MRAP2: variants seen among roughly 807,000 people sequenced by gnomAD.
The protein encoded by MRAP2 is melanocortin-2 receptor accessory protein 2.
In MRAP2, 20 loss-of-function variants were observed where a neutral mutation model predicts 17.4. The observed-to-expected ratio is 1.15, with a 90% CI of 0.81 to 1.67. The LOEUF is 1.67. Among genes scored for constraint, MRAP2 ranks in the 40% most tolerant of loss-of-function variants. MRAP2 has a pLI of 0.00. For synonymous variants in MRAP2, 96 were observed against 88.4 expected, an observed-to-expected ratio of 1.09 and a Z score of -0.48; for missense variants, 238 against 240.0, an observed-to-expected ratio of 0.99 and a Z score of 0.05.
chr6:84,113,471 T>G, the MRAP2 span, among the ~76,000 whole-genome samples: 1 of 152,246 alleles, frequency 6.6e-6, no homozygotes, highest in Admixed American at 6.5e-5. Context: ...TTGGAGCCTA[T>G]GTGTGTCTCT....
At chr6:84,033,639 C>A, upstream of MRAP2, 1 of 972,128 alleles carries the variant, frequency 1.0e-6, no homozygotes, top group Non-Finnish European at 1.2e-6. Flanking sequence ...TTGGCCAAGG[C>A]GGCCTCGCGC....
intron 3 of MRAP2, among the ~76,000 whole-genome samples, chr6:84,071,027 G>T (rs567732528): frequency 2.0e-5 from 3 of 152,184 alleles, no homozygotes; most frequent in Non-Finnish European, 4.4e-5. Flanking sequence ...CTGTGGTTCT[G>T]TATTTTTTTA....
chr6:84,102,179 G>A, the MRAP2 span, among the ~76,000 whole-genome samples: 51 of 152,200 alleles, frequency 3.4e-4, no homozygotes, highest in African/African-American at 1.0e-3. Flanking sequence ...TTCATAGAGC[G>A]GTTTGAAGGA....
intron 2 of MRAP2, among the ~76,000 whole-genome samples, chr6:84,059,623 A>G (rs1390784561): frequency 4.6e-5 from 7 of 152,164 alleles, no homozygotes; most frequent in Non-Finnish European, 1.0e-4. Context: ...TCCATTCATT[A>G]AAGGTTAGGT....
the MRAP2 span, among the ~76,000 whole-genome samples, chr6:84,107,299 G>T: frequency 5.1e-4 from 77 of 152,246 alleles, no homozygotes; most frequent in African/African-American, 1.7e-3. Flanking sequence ...CCCCCTTCTT[G>T]GTTGTAGGAG....
At chr6:84,058,075 C>T (rs1438089161) in intron 2 of MRAP2, among the ~76,000 whole-genome samples, 2 of 152,032 alleles carry the variant, frequency 1.3e-5, no homozygotes, top group Non-Finnish European at 2.9e-5. Flanking sequence ...ATGGGGGGGC[C>T]TTAGAGGTCA....
In MRAP2 at chr6:84,045,370, A is replaced by C. The variant is rs945828922; in HGVS notation, c.-7-9942A>C. 4.1e-6 allele frequency: 4 copies of C among 985,258 alleles called. No individual in the cohort carries two copies. In the African/African-American group the frequency reaches 7.0e-5, roughly 17 times the overall value. 61.0% of individuals were successfully genotyped at this position (985,258 alleles called of 1,614,324 possible). A position where few individuals can be genotyped will look rare whatever the true frequency, so the allele number is the denominator to read the frequency against. ...CCTTATGAAGGCCCTGGAGTAGGCA[A>C]GCCTGCCCCCAAGACCTCTGTGCTC... On this transcript the variant is annotated intron_variant, in intron 1 of 3. Transcript: ENST00000257776.
chr6:84,061,358 T>C (rs970848822), intron 2 of MRAP2, among the ~76,000 whole-genome samples: 1 of 152,246 alleles, frequency 6.6e-6, no homozygotes, highest in African/African-American at 2.4e-5. Context: ...TGTAGAATGA[T>C]TCAACTCTGT....
chr6:84,071,552 T>C (rs1284357600), intron 3 of MRAP2, among the ~76,000 whole-genome samples: 2 of 152,162 alleles, frequency 1.3e-5, no homozygotes, highest in African/African-American at 2.4e-5. Context: ...CTGATGACAG[T>C]GTGTCTAGGC....
At chr6:84,051,223 A>C (rs950328916) in intron 1 of MRAP2, among the ~76,000 whole-genome samples, 3 of 152,178 alleles carry the variant, frequency 2.0e-5, no homozygotes, top group African/African-American at 7.2e-5. Flanking sequence ...CATCTCCTCA[A>C]ATTCAGGGAG....
chr6:84,083,707 G>A (rs544247915), intron 3 of MRAP2, among the ~76,000 whole-genome samples: 3 of 152,198 alleles, frequency 2.0e-5, no homozygotes, highest in Admixed American at 1.3e-4. Context: ...CTAAAAACAC[G>A]TGGGTTAGTT....
chr6:84,145,269 G>A, the MRAP2 span, among the ~76,000 whole-genome samples: 1 of 152,046 alleles, frequency 6.6e-6, no homozygotes, highest in African/African-American at 2.4e-5. Context: ...AAATCTGATG[G>A]CAAGCCTTTG....
chr6:84,083,075 A>G (rs58485852), intron 3 of MRAP2, among the ~76,000 whole-genome samples: 22,360 of 152,120 alleles, frequency 0.15, 1,681 homozygotes, highest in Middle Eastern at 0.23. Flanking sequence ...AAGAGTACAG[A>G]GACAGGACTT....
At chr6:84,134,354 C>T in the MRAP2 span, among the ~76,000 whole-genome samples, 1 of 152,100 alleles carries the variant, frequency 6.6e-6, no homozygotes, top group Non-Finnish European at 1.5e-5. Flanking sequence ...ACCCTCTTTC[C>T]AGGGGTGTCT....
chr6:84,122,452 T>C, the MRAP2 span, among the ~76,000 whole-genome samples: 1,317 of 151,380 alleles, frequency 8.7e-3, 23 homozygotes, highest in African/African-American at 0.03. Context: ...TAAATGTGAT[T>C]CACCACATAA....
chr6:84,035,412 C>T (rs1011930514), intron 1 of MRAP2: 14 of 984,862 alleles, frequency 1.4e-5, no homozygotes, highest in Non-Finnish European at 1.6e-5. Flanking sequence ...CTTCCCTTTT[C>T]TAGCAATCTA....
the MRAP2 span, chr6:84,126,405 A>T: frequency 6.2e-7 from 1 of 1,603,350 alleles, no homozygotes; most frequent in Admixed American, 1.7e-5. Context: ...CTCTTTGTGC[A>T]TGTCTCATTT....
chr6:84,098,194 T>C, the MRAP2 span, among the ~76,000 whole-genome samples: 1 of 152,164 alleles, frequency 6.6e-6, no homozygotes, highest in East Asian at 1.9e-4. Flanking sequence ...TTTATATAAG[T>C]GAAATCATGC....
chr6:84,070,228 T>C (rs2099495875), intron 3 of MRAP2, among the ~76,000 whole-genome samples: 1 of 152,158 alleles, frequency 6.6e-6, no homozygotes, highest in Non-Finnish European at 1.5e-5. Flanking sequence ...TGTAGGTGTT[T>C]AGGGTTATGA....
Sources: gnomAD v4.1 joint callset for allele counts (sites outside exome capture counted in the v4.1 genomes callset) on GRCh38, gnomAD v4.1.1 for gene constraint, MANE v1.5 for transcripts, NCBI Gene and HGNC (gene_info 2026-07-23, HGNC 2026-07-21) for gene names.